The following CFTR variants were observed in gnomAD, a reference collection of about 807,000 sequenced individuals.
CFTR encodes CF transmembrane conductance regulator.
CFTR carries 181 observed loss-of-function variants against 171.6 expected under a neutral mutation model. The ratio of observed to expected loss-of-function variants is 1.05; its 90% CI spans 0.93 to 1.19. The LOEUF is 1.19. Among genes scored for constraint, CFTR ranks in the 50% most tolerant of loss-of-function variants. CFTR has a pLI of 0.00. For synonymous variants in CFTR, 583 were observed against 608.0 expected (o/e 0.96, Z 0.60); for missense variants, 1,968 against 1,734.7 (o/e 1.13, Z -2.39).
chr7:117,586,884 A>G (rs75107848), intron 11 of CFTR, among the ~76,000 whole-genome samples: 2,371 of 152,174 alleles, frequency 0.016, 62 homozygotes, highest in African/African-American at 0.052. Flanking sequence ...TATCTATTGT[A>G]TACTTCTGTT....
chr7:117,534,916 C>G (rs1798922970), intron 5 of CFTR, among the ~76,000 whole-genome samples: 1 of 152,172 alleles, frequency 6.6e-6, no homozygotes, highest in African/African-American at 2.4e-5. Flanking sequence ...ATGTTCTATG[C>G]TGTGGTTCTT....
chr7:117,659,295 C>T (rs921420659), intron 24 of CFTR, among the ~76,000 whole-genome samples: 1 of 152,176 alleles, frequency 6.6e-6, no homozygotes, highest in Non-Finnish European at 1.5e-5. Flanking sequence ...ATTTCTCACT[C>T]TGGCTGGAGA....
chr7:117,604,725 G>T (rs892383511), intron 17 of CFTR: 1 of 152,142 alleles, frequency 6.6e-6, no homozygotes, highest in Admixed American at 6.5e-5. Context: ...AAATATTGCC[G>T]CATTTGCATA....
At chr7:117,627,377 TGTTA>T in intron 21 of CFTR, 141 bp from the exon 22 acceptor site, 1 of 819,762 alleles carries the variant, frequency 1.2e-6, no homozygotes, top group East Asian at 2.7e-5. Context: ...AATTATTTCC[TGTTA>T]GTTCATTGAA....
intron 1 of CFTR, among the ~76,000 whole-genome samples, chr7:117,486,330 T>C (rs1157468349): frequency 6.6e-6 from 1 of 152,184 alleles, no homozygotes; most frequent in African/African-American, 2.4e-5. Flanking sequence ...CTGTATTCTA[T>C]GTGAGACGTT....
At chr7:117,595,178 A>C in intron 15 of CFTR, 120 bp downstream of exon 15, 1 of 743,390 alleles carries the variant, frequency 1.3e-6, no homozygotes, top group Non-Finnish European at 2.3e-6. Flanking sequence ...TACATGTATA[A>C]GTATGCATAT....
At chr7:117,521,310 A>G (rs1293961855) in intron 3 of CFTR, among the ~76,000 whole-genome samples, 2 of 151,938 alleles carry the variant, frequency 1.3e-5, no homozygotes, top group Non-Finnish European at 2.9e-5. Context: ...GTTGAGTTGT[A>G]TTAGCTAGAA....
intron 1 of CFTR, among the ~76,000 whole-genome samples, chr7:117,482,978 A>G (rs1299580120): frequency 6.6e-6 from 1 of 152,258 alleles, no homozygotes; most frequent in African/African-American, 2.4e-5. Flanking sequence ...GGTCTCCTGT[A>G]AACTCTGCAG....
chr7:117,633,760 C>T (rs1792786168), intron 22 of CFTR, among the ~76,000 whole-genome samples: 2 of 151,886 alleles, frequency 1.3e-5, no homozygotes, highest in Admixed American at 1.3e-4. Context: ...TTGATTTGAG[C>T]ACTTTATTTT....
At chr7:117,643,815 A>AT (rs1016087002) in intron 23 of CFTR, among the ~76,000 whole-genome samples, 7 of 152,102 alleles carry the variant, frequency 4.6e-5, no homozygotes, top group African/African-American at 1.7e-4. Flanking sequence ...AAAATGGTGA[A>AT]TTTTTTGGTT....
chr7:117,610,422 A>G, intron 18 of CFTR, 97 bp from the exon 19 acceptor site: 1 of 1,066,976 alleles, frequency 9.4e-7, no homozygotes, highest in Non-Finnish European at 1.4e-6. Flanking sequence ...TGTTTAAAGT[A>G]TGCAAAAAAA....
At chr7:117,487,310 G>T (rs535729852) in intron 1 of CFTR, among the ~76,000 whole-genome samples, 1 of 152,256 alleles carries the variant, frequency 6.6e-6, no homozygotes, top group African/African-American at 2.4e-5. Flanking sequence ...ACCTGAGAGT[G>T]TTAGGAAGAA....
chr7:117,630,833 T>A (rs1562920281), intron 22 of CFTR, among the ~76,000 whole-genome samples: 1 of 151,986 alleles, frequency 6.6e-6, no homozygotes, highest in Non-Finnish European at 1.5e-5. Context: ...GCCTAGGCAT[T>A]TGGCTGTCTC....
Position 117,542,008 on chromosome 7 carries a change from A to G in CFTR, c.1117-8A>G, listed in dbSNP as rs897417102. The G allele has an allele frequency of 7.2e-7, 1 of 1,382,690 alleles. No individual in the cohort carries two copies. The highest frequency in any genetic ancestry group is 1.0e-6 in the Non-Finnish European group (1 of 969,630). 85.7% of individuals were successfully genotyped at this position (1,382,690 alleles called of 1,614,324 possible). ...CTATAATATGTTTTTGCTCTCTTTT[A>G]TAAATAGGATTTCTTACAAAAGCAA... On this transcript the variant is annotated splice_region_variant and splice_polypyrimidine_tract_variant and intron_variant, in intron 8 of 26. Transcript: ENST00000003084.
rs181171155 is a variant in CFTR at position 117,645,208 on chromosome 7, T to G, written c.3873+2615T>G. On this transcript the variant is annotated intron_variant, in intron 23 of 26. Coordinates refer to ENST00000003084, the MANE Select transcript of CFTR (RefSeq NM_000492.4). ...CAGCAGTGTAGCAGTTCTCACTCATTTTATAATAATTAACAACTTAATAAT... is the reference window on the plus strand; with the variant it reads ...CAGCAGTGTAGCAGTTCTCACTCATGTTATAATAATTAACAACTTAATAAT... Among the ~76,000 whole-genome samples the G allele has an allele frequency of 3.3e-5, 5 of 152,288 alleles. No individual in the cohort carries two copies. In the East Asian group the frequency reaches 9.7e-4, roughly 29 times the overall value.
chr7:117,517,726 C>G (rs1426666213), intron 3 of CFTR, among the ~76,000 whole-genome samples: 1 of 152,116 alleles, frequency 6.6e-6, no homozygotes, highest in East Asian at 1.9e-4. Flanking sequence ...CTGTTGTTTC[C>G]TGACTTTTTA....
intron 21 of CFTR, among the ~76,000 whole-genome samples, chr7:117,622,026 TCAC>T (rs1263215971): frequency 1.3e-5 from 2 of 152,210 alleles, no homozygotes; most frequent in African/African-American, 2.4e-5. Flanking sequence ...TTTGTGAAGA[TCAC>T]CATCTCTGTC....
At chr7:117,632,655 G>A (rs1054721245) in intron 22 of CFTR, among the ~76,000 whole-genome samples, 2 of 152,138 alleles carry the variant, frequency 1.3e-5, no homozygotes, top group Admixed American at 1.3e-4. Context: ...GTTGCAAAAG[G>A]TTAGGGAATG....
rs397508637 is a variant in CFTR, at chr7:117,652,870, GA to G, written c.3908del (p.Asn1303ThrfsTer25). On this transcript the variant is annotated frameshift_variant, in exon 24 of 27. Coordinates refer to ENST00000003084, the MANE Select transcript of CFTR (RefSeq NM_000492.4). LOFTEE classifies it high-confidence loss of function. ...GTATTTATTTTTTCTGGAACATTTA[GA>G]AAAAACTTGGATCCCTATGAACAGT... ...QKVFIFSGTF[R>X]KNLDPYEQWS... The G allele has an allele frequency of 1.3e-6, 2 of 1,590,192 alleles. No individual in the cohort carries two copies. Among genetic ancestry groups the G allele is most frequent in the African/African-American group, 1.3e-5 (1 of 74,388 alleles).
Sources: gnomAD v4.1 joint callset for allele counts (sites outside exome capture counted in the v4.1 genomes callset) on GRCh38, gnomAD v4.1.1 for gene constraint, MANE v1.5 for transcripts, NCBI Gene and HGNC (gene_info 2026-07-23, HGNC 2026-07-21) for gene names.